Variants in MANBA observed in about 807,000 individuals in gnomAD.
The protein encoded by MANBA is mannosidase beta, also known as beta-mannosidase.
MANBA carries 83 observed loss-of-function variants against 111.1 expected under a neutral mutation model. The observed-to-expected ratio is 0.75, with a 90% CI of 0.63 to 0.90. The LOEUF (loss-of-function observed/expected upper bound fraction) is 0.90, where lower values mean the gene tolerates loss of function less well. Among genes scored for constraint, MANBA ranks in the 40% least tolerant of loss-of-function variants. The pLI, the probability that MANBA is intolerant of heterozygous loss-of-function variation, is 0.00. For synonymous variants in MANBA, 370 were observed against 378.7 expected, an observed-to-expected ratio of 0.98 and a Z score of 0.27; for missense variants, 1,036 against 1,069.0, an observed-to-expected ratio of 0.97 and a Z score of 0.43.
intron 9 of MANBA, among the ~76,000 whole-genome samples, chr4:102,670,562 G>C (rs923922342): frequency 5.3e-5 from 8 of 152,004 alleles, no homozygotes; most frequent in African/African-American, 1.9e-4. Context: ...ACAATATTAG[G>C]GCCAGGTACA....
At chr4:102,747,766 T>C (rs1348081098) in intron 1 of MANBA, among the ~76,000 whole-genome samples, 1 of 152,198 alleles carries the variant, frequency 6.6e-6, no homozygotes, top group African/African-American at 2.4e-5. Flanking sequence ...CCATCTAACA[T>C]AGCTCTAAGT....
chr4:102,728,428 T>C (rs1722893296), intron 1 of MANBA: 1 of 471,890 alleles, frequency 2.1e-6, no homozygotes, highest in Non-Finnish European at 4.1e-6. Context: ...TCATGAGTTT[T>C]TGGATGCAGA....
chr4:102,743,331 T>C (rs1394220457), intron 1 of MANBA, among the ~76,000 whole-genome samples: 2 of 152,208 alleles, frequency 1.3e-5, no homozygotes, highest in African/African-American at 2.4e-5. Context: ...TTTCTTTCCA[T>C]GTAAAGTGCA....
intron 1 of MANBA, among the ~76,000 whole-genome samples, chr4:102,745,781 A>T (rs1723564822): frequency 2.0e-5 from 3 of 152,174 alleles, no homozygotes; most frequent in Admixed American, 2.0e-4. Context: ...TCCTTCCGCC[A>T]TTATCTCACA....
intron 7 of MANBA, among the ~76,000 whole-genome samples, chr4:102,680,864 C>T (rs945880981): frequency 6.6e-6 from 1 of 152,218 alleles, no homozygotes; most frequent in Non-Finnish European, 1.5e-5. Context: ...CATTCTACTA[C>T]CTTCCCTATG....
intron 1 of MANBA, chr4:102,752,513 G>A: frequency 1.4e-6 from 1 of 723,000 alleles, no homozygotes; most frequent in Non-Finnish European, 2.6e-6. Context: ...TGTATGATCT[G>A]GCTGCTCATG....
rs202004084 is a variant in MANBA at position 102,722,884 on chromosome 4, T to C, written c.536A>G (p.Asn179Ser). ...AGAGACCATTACCTTCCGAACAAAG[T>C]TGACATGGCATTCACCCTTCTGCAC... ...PLVQKGECHVNFVRKEQCSFS... is the reference protein window; with the variant it reads ...PLVQKGECHVSFVRKEQCSFS... The change falls in exon 4 of 17, where the codon AAC becomes AGC. Residue 179 changes from asparagine (N) to serine (S), a missense_variant. Physicochemically the swap from Asn to Ser is conservative, Grantham distance 46 (BLOSUM62 1). Transcript: ENST00000647097. 170 of 1,614,040 alleles carry C rather than the reference T, an allele frequency of 1.1e-4. No individual in the cohort carries two copies. The highest frequency in any genetic ancestry group is 1.4e-4 in the Non-Finnish European group (165 of 1,180,002).
At chr4:102,633,984 A>C (rs1273107071) in intron 16 of MANBA, among the ~76,000 whole-genome samples, 1 of 152,234 alleles carries the variant, frequency 6.6e-6, no homozygotes, top group African/African-American at 2.4e-5. Context: ...CTTTCTATGA[A>C]GTAAAAGTGT....
At chr4:102,642,580 C>T (rs966945736) in intron 13 of MANBA, among the ~76,000 whole-genome samples, 3 of 151,546 alleles carry the variant, frequency 2.0e-5, no homozygotes, top group Non-Finnish European at 4.4e-5. Context: ...GCACTCCAGC[C>T]TGGACAACAG....
At chr4:102,671,435 A>T in intron 8 of MANBA, 37 bp from the exon 9 acceptor site, 1 of 1,187,988 alleles carries the variant, frequency 8.4e-7, no homozygotes, top group Non-Finnish European at 1.2e-6. Flanking sequence ...CATAATTTGG[A>T]AAAAAAAAAC....
chr4:102,754,367 T>G (rs1035714789), intron 1 of MANBA, among the ~76,000 whole-genome samples: 1 of 151,888 alleles, frequency 6.6e-6, no homozygotes, highest in Non-Finnish European at 1.5e-5. Flanking sequence ...AGGATCCTCA[T>G]CAGAAAAATA....
At chr4:102,689,358 A>AT (rs1560775057) in intron 7 of MANBA, among the ~76,000 whole-genome samples, 5 of 90,986 alleles carry the variant, frequency 5.5e-5, no homozygotes, top group African/African-American at 1.7e-4. Context: ...CAAAAAAAAA[A>AT]AATATATATA....
intron 1 of MANBA, chr4:102,751,833 GTGGCCTGGGCC>G: frequency 2.0e-6 from 1 of 509,294 alleles, no homozygotes; most frequent in Admixed American, 2.2e-5. Flanking sequence ...CTTAAAAGAT[GTGGCCTGGGCC>G]AAAAAAAAAG....
At chr4:102,744,864 A>C (rs1160927492) in intron 1 of MANBA, among the ~76,000 whole-genome samples, 2 of 152,166 alleles carry the variant, frequency 1.3e-5, no homozygotes, top group African/African-American at 4.8e-5. Context: ...TTTTCTAGGT[A>C]GGGGTAGCTC....
At chr4:102,705,534 T>C (rs1243215679) in intron 5 of MANBA, among the ~76,000 whole-genome samples, 1 of 152,028 alleles carries the variant, frequency 6.6e-6, no homozygotes, top group Admixed American at 6.6e-5. Flanking sequence ...AAACACCCTG[T>C]GGAAGGGCTA....
Position 102,735,502 on chromosome 4 carries a change from TCTTA to T in MANBA, c.178-8823_178-8820del, listed in dbSNP as rs1189563874. On this transcript the variant is annotated intron_variant, in intron 1 of 16. Coordinates refer to ENST00000647097, the MANE Select transcript of MANBA (RefSeq NM_005908.4). ...AAGAAAAGTCTACTAAAAATTTTTC[TCTTA>T]CTAAGAGAAAATACCAAAAAAAAAA... 4.2e-5 allele frequency among the ~76,000 whole-genome samples: 6 copies of T among 142,854 alleles called. No homozygotes were observed. In the South Asian group the frequency reaches 8.9e-4, roughly 21 times the overall value. 93.7% of individuals were successfully genotyped at this position (142,854 alleles called of 152,430 possible).
chr4:102,735,416 G>C (rs1723180920), intron 1 of MANBA, among the ~76,000 whole-genome samples: 1 of 146,818 alleles, frequency 6.8e-6, no homozygotes, highest in Non-Finnish European at 1.5e-5. Context: ...CCTAACCAGA[G>C]AGAGTTCCTG....
intron 14 of MANBA, among the ~76,000 whole-genome samples, chr4:102,637,906 G>C (rs1729699732): frequency 6.6e-6 from 1 of 152,216 alleles, no homozygotes; most frequent in African/African-American, 2.4e-5. Context: ...GCCCAGACTT[G>C]CGACTGCTGT....
chr4:102,646,522 T>A (rs993971274), intron 13 of MANBA, among the ~76,000 whole-genome samples: 6 of 152,124 alleles, frequency 3.9e-5, no homozygotes, highest in Non-Finnish European at 7.4e-5. Context: ...AGATATTCAA[T>A]AGACACATGA....
Sources: allele counts gnomAD v4.1 joint callset (sites outside exome capture counted in the v4.1 genomes callset), GRCh38; gene constraint gnomAD v4.1.1; transcripts MANE v1.5; gene names NCBI Gene and HGNC (gene_info 2026-07-23, HGNC 2026-07-21).